UBE2K: variants seen among roughly 807,000 people sequenced by gnomAD.
UBE2K encodes the protein ubiquitin-conjugating enzyme E2 K.
A neutral mutation model predicts 30.0 loss-of-function variants in UBE2K; 6 were observed. That is an observed-to-expected ratio of 0.20 (90% confidence interval 0.11 to 0.39). The LOEUF (loss-of-function observed/expected upper bound fraction) is 0.39. UBE2K is among the 10% of genes least tolerant of loss of function. The probability of loss-of-function intolerance (pLI) is 1.00; values close to 1 mark genes in which losing one functional copy is unlikely to be tolerated. For synonymous variants in UBE2K, 86 were observed against 83.7 expected, an observed-to-expected ratio of 1.03 and a Z score of -0.15; for missense variants, 61 against 241.6, an observed-to-expected ratio of 0.25 and a Z score of 4.96.
In UBE2K at chr4:39,782,056, T is replaced by C; in HGVS notation, c.*3622T>C. On this transcript the variant is annotated 3_prime_UTR_variant, in exon 7 of 7. Transcript: ENST00000261427. The stretch of plus-strand genomic sequence containing the variant: ...ATCTTGTGGCATAGGGGTAGGGGAG[T>C]GTTAGTATCTCCCTTGTCCCATTTG... 1 of 397,712 alleles carries C rather than the reference T, an allele frequency of 2.5e-6. No homozygotes were observed. Among genetic ancestry groups the C allele is most frequent in the Non-Finnish European group, 4.4e-6 (1 of 225,518 alleles). The allele number at this position is 397,712 out of a possible 1,614,324, so 24.6% of individuals were successfully genotyped here.
chr4:39,770,297 C>T (rs1578503919), intron 4 of UBE2K: 1 of 1,611,894 alleles, frequency 6.2e-7, no homozygotes, highest in Non-Finnish European at 8.5e-7. Context: ...AGATGCCGCA[C>T]GAGTGTGACT....
At chr4:39,761,090 G>A (rs965040841) in intron 4 of UBE2K, 1 of 152,252 alleles carries the variant, frequency 6.6e-6, no homozygotes, top group Non-Finnish European at 1.5e-5. Flanking sequence ...GGGCTGAAGT[G>A]TGCTATGCCA....
rs1713606005 is a variant in UBE2K at position 39,781,461 on chromosome 4, G to A, written c.*3027G>A. Reference sequence around the variant, plus strand: ...TTTGCTTATTTATGCACTACAGAATGCAGCATACTGTATTACTGTTGAGGC... The same window carrying A: ...TTTGCTTATTTATGCACTACAGAATACAGCATACTGTATTACTGTTGAGGC... On this transcript the variant is annotated 3_prime_UTR_variant, in exon 7 of 7. Transcript: ENST00000261427. 1.3e-5 allele frequency: 2 copies of A among 152,974 alleles called. No homozygotes were observed. 9.5% of individuals were successfully genotyped at this position (152,974 alleles called of 1,614,324 possible).
At chr4:39,778,097 CAAAAAAAAAAA>C (rs36215155) in intron 6 of UBE2K, among the ~76,000 whole-genome samples, 2 of 51,734 alleles carry the variant, frequency 3.9e-5, no homozygotes, top group African/African-American at 7.8e-5. Context: ...GACCCTGTCT[CAAAAAAAAAAA>C]AAAAAAAAAA....
At chr4:39,778,212 A>G in intron 6 of UBE2K, 148 bp from the exon 7 acceptor site, 1 of 364,852 alleles carries the variant, frequency 2.7e-6, no homozygotes, top group Non-Finnish European at 4.9e-6. Context: ...ACTGTCATTG[A>G]TTTTAGAAGC....
intron 3 of UBE2K, among the ~76,000 whole-genome samples, chr4:39,754,148 C>T (rs1221210758): frequency 2.0e-5 from 3 of 151,938 alleles, no homozygotes; most frequent in African/African-American, 4.8e-5. Context: ...AGTTTTGGTG[C>T]GGAAAATAAA....
chr4:39,770,714 A>T, intron 4 of UBE2K: 1 of 1,573,782 alleles, frequency 6.4e-7, no homozygotes, highest in Non-Finnish European at 8.6e-7. Flanking sequence ...CCAGCTCCCC[A>T]AGGTGGCCAC....
At chr4:39,701,349 A>G (rs910164443) in intron 1 of UBE2K, among the ~76,000 whole-genome samples, 7 of 152,200 alleles carry the variant, frequency 4.6e-5, no homozygotes, top group African/African-American at 1.7e-4. Flanking sequence ...TGTTTTATTC[A>G]TAAGTTTTAT....
At chr4:39,763,264 T>C (rs1315737341) in intron 4 of UBE2K, among the ~76,000 whole-genome samples, 1 of 147,584 alleles carries the variant, frequency 6.8e-6, no homozygotes, top group Non-Finnish European at 1.5e-5. Context: ...TTTTTTTTTT[T>C]CTTTGAGACA....
At chr4:39,756,814 A>G (rs781277529) in intron 4 of UBE2K, among the ~76,000 whole-genome samples, 2 of 152,194 alleles carry the variant, frequency 1.3e-5, no homozygotes, top group Non-Finnish European at 2.9e-5. Flanking sequence ...GTGAGTGTCT[A>G]TTATGACCTT....
chr4:39,744,630 G>A (rs768995470), intron 2 of UBE2K, among the ~76,000 whole-genome samples: 8 of 151,654 alleles, frequency 5.3e-5, no homozygotes, highest in Non-Finnish European at 1.0e-4. Flanking sequence ...ATTTGGGCTG[G>A]GCACAGTGGC....
Position 39,763,606 on chromosome 4 carries a change from A to G in UBE2K, c.299+7867A>G, listed in dbSNP as rs574201009. On this transcript the variant is annotated intron_variant, in intron 4 of 6. Transcript: ENST00000261427. ...ACTCAGTCATCACCAATGGGGTGGC[A>G]CTAAGCCATTCATGAGCGATTTGCC... is the stretch of plus-strand genomic sequence containing the variant. Among the ~76,000 whole-genome samples, 8 of 152,178 alleles carry G rather than the reference A, an allele frequency of 5.3e-5. No homozygotes were observed. The South Asian group carries it at 1.7e-3, about 32-fold the overall frequency.
At chr4:39,716,077 C>G (rs574184059) in intron 1 of UBE2K, among the ~76,000 whole-genome samples, 2 of 152,328 alleles carry the variant, frequency 1.3e-5, no homozygotes, top group African/African-American at 4.8e-5. Context: ...TTTGGTTGCT[C>G]TGATACTGCT....
intron 2 of UBE2K, among the ~76,000 whole-genome samples, chr4:39,742,375 A>G (rs536424608): frequency 1.7e-4 from 26 of 150,426 alleles, no homozygotes; most frequent in Admixed American, 5.3e-4. Flanking sequence ...AAATTTCATT[A>G]TTGTTATATG....
chr4:39,767,212 G>A (rs889325659), intron 4 of UBE2K, among the ~76,000 whole-genome samples: 2 of 150,990 alleles, frequency 1.3e-5, no homozygotes, highest in South Asian at 4.2e-4. Context: ...TTAGGTCTTT[G>A]ATCCATTTTG....
chr4:39,725,400 AAAAAAAC>A (rs1719696167), intron 1 of UBE2K, among the ~76,000 whole-genome samples: 1 of 151,262 alleles, frequency 6.6e-6, no homozygotes, highest in Non-Finnish European at 1.5e-5. Flanking sequence ...AAAAAAAAAA[AAAAAAAC>A]ACCTCTTGAT....
intron 4 of UBE2K, among the ~76,000 whole-genome samples, chr4:39,757,023 TTGTTTTTTG>T (rs1420086651): frequency 1.1e-5 from 1 of 94,836 alleles, no homozygotes; most frequent in Non-Finnish European, 2.1e-5. Flanking sequence ...TTTTTGTTTT[TTGTTTTTTG>T]TTTTTTTTTT....
intron 4 of UBE2K, among the ~76,000 whole-genome samples, chr4:39,759,693 T>C (rs1309172858): frequency 6.6e-6 from 1 of 152,150 alleles, no homozygotes; most frequent in Non-Finnish European, 1.5e-5. Context: ...GGGAAGAAAA[T>C]GGCAACACAT....
At chr4:39,757,011 G>GTTTTTTTTTTTTTTTTTTTTT in intron 4 of UBE2K, among the ~76,000 whole-genome samples, 1 of 76,822 alleles carries the variant, frequency 1.3e-5, no homozygotes, top group Non-Finnish European at 2.5e-5. Flanking sequence ...TTTTTTTTTT[G>GTTTTTTTTTTTTTTTTTTTTT]TTTTTTGTTT....
Sources: gnomAD v4.1 joint callset for allele counts (sites outside exome capture counted in the v4.1 genomes callset) on GRCh38, gnomAD v4.1.1 for gene constraint, MANE v1.5 for transcripts, NCBI Gene and HGNC (gene_info 2026-07-23, HGNC 2026-07-21) for gene names.